Variants in NRG1 observed in about 807,000 individuals in gnomAD.
The protein encoded by NRG1 is neuregulin 1, also known as pro-neuregulin-1, membrane-bound isoform.
Under a neutral mutation model 63.8 loss-of-function variants are expected in NRG1, and 18 were observed. The observed-to-expected ratio is 0.28, with a 90% CI of 0.19 to 0.42. NRG1 has a LOEUF of 0.42. NRG1 is among the 10% of genes least tolerant of loss of function. NRG1 has a pLI of 1.00. For missense variants in NRG1, 762 were observed against 814.7 expected, an observed-to-expected ratio of 0.94 and a Z score of 0.79; for synonymous variants, 302 against 301.3, an observed-to-expected ratio of 1.00 and a Z score of -0.02.
intron 1 of NRG1, among the ~76,000 whole-genome samples, chr8:32,223,230 T>C (rs899298055): frequency 6.6e-6 from 1 of 152,206 alleles, no homozygotes; most frequent in African/African-American, 2.4e-5. Context: ...TTTAAATCCA[T>C]TCTTTTAAAA....
At chr8:31,873,245 T>C (rs1829639414) in intron 1 of NRG1, among the ~76,000 whole-genome samples, 1 of 152,090 alleles carries the variant, frequency 6.6e-6, no homozygotes, top group Non-Finnish European at 1.5e-5. Context: ...ATTTCACTGC[T>C]AGAGCAATAA....
At chr8:31,812,464 T>C (rs185448798) in intron 1 of NRG1, among the ~76,000 whole-genome samples, 1 of 152,306 alleles carries the variant, frequency 6.6e-6, no homozygotes, top group African/African-American at 2.4e-5. Context: ...GACAGCTTAA[T>C]GGTTACTTTA....
chr8:31,793,640 A>G (rs978798535), intron 1 of NRG1, among the ~76,000 whole-genome samples: 2 of 152,248 alleles, frequency 1.3e-5, no homozygotes, highest in Non-Finnish European at 2.9e-5. Context: ...CTTCCAAAAC[A>G]TGTCACTGGA....
At chr8:32,379,707 G>A (rs189774323) in intron 1 of NRG1, among the ~76,000 whole-genome samples, 1 of 152,304 alleles carries the variant, frequency 6.6e-6, no homozygotes, top group Admixed American at 6.5e-5. Flanking sequence ...CCTATCAGTT[G>A]AGGGAAATTC....
intron 1 of NRG1, among the ~76,000 whole-genome samples, chr8:31,924,497 T>A (rs78481298): frequency 1.3e-5 from 2 of 152,068 alleles, no homozygotes; most frequent in Non-Finnish European, 2.9e-5. Context: ...CGTGCTGTAG[T>A]TTTTTTCCTC....
intron 1 of NRG1, among the ~76,000 whole-genome samples, chr8:31,862,669 T>G (rs977755541): frequency 2.0e-5 from 3 of 152,218 alleles, no homozygotes; most frequent in Non-Finnish European, 4.4e-5. Flanking sequence ...GTAATTTTGC[T>G]TGTTTTTTGT....
chr8:32,210,518 A>ACCTT (rs1844589667), intron 1 of NRG1, among the ~76,000 whole-genome samples: 1 of 152,160 alleles, frequency 6.6e-6, no homozygotes, highest in Non-Finnish European at 1.5e-5. Context: ...GTAACGTGTG[A>ACCTT]CCTTCCCTTA....
In NRG1 at chr8:31,849,058, C is replaced by A. The variant is rs1826962484; in HGVS notation, c.37+209627C>A. ...GCATAGTCTTAGAGTGTAACAAATG[C>A]ACAAACCTTTTCTTTTAAAACAGAC... is the stretch of plus-strand genomic sequence containing the variant. On this transcript the variant is annotated intron_variant, in intron 1 of 10. Transcript: ENST00000519301. Among the ~76,000 whole-genome samples the A allele has an allele frequency of 1.3e-5, 2 of 152,124 alleles. 1 individual carries two copies. Among genetic ancestry groups the A allele is most frequent in the South Asian group, 4.1e-4 (2 of 4,826 alleles).
At chr8:32,009,058 C>A (rs545971677) in intron 1 of NRG1, among the ~76,000 whole-genome samples, 2 of 152,056 alleles carry the variant, frequency 1.3e-5, no homozygotes, top group African/African-American at 4.8e-5. Flanking sequence ...AATATGGTGA[C>A]CTTAGTCACA....
At chr8:32,129,986 C>T (rs1255413026) in intron 1 of NRG1, among the ~76,000 whole-genome samples, 2 of 151,830 alleles carry the variant, frequency 1.3e-5, no homozygotes, top group Non-Finnish European at 2.9e-5. Context: ...TATGATAATC[C>T]ATCACCAAAT....
At chr8:31,753,711 C>T (rs553556464) in intron 1 of NRG1, among the ~76,000 whole-genome samples, 1 of 152,132 alleles carries the variant, frequency 6.6e-6, no homozygotes, top group South Asian at 2.1e-4. Context: ...AAAAACTAGT[C>T]CATCTCTAAT....
intron 1 of NRG1, among the ~76,000 whole-genome samples, chr8:32,490,304 CAA>C (rs35216278): frequency 3.0e-5 from 4 of 133,850 alleles, no homozygotes; most frequent in Admixed American, 7.3e-5. Flanking sequence ...GACTCTGTCT[CAA>C]AAAAAAAAAA....
chr8:32,533,561 T>C (rs1299921788), intron 1 of NRG1, among the ~76,000 whole-genome samples: 1 of 152,094 alleles, frequency 6.6e-6, no homozygotes, highest in Non-Finnish European at 1.5e-5. Flanking sequence ...TTGAACAAAT[T>C]TTATTTTTAT....
chr8:32,511,307 A>G (rs1829169138), intron 1 of NRG1, among the ~76,000 whole-genome samples: 1 of 147,652 alleles, frequency 6.8e-6, no homozygotes, highest in South Asian at 2.1e-4. Flanking sequence ...CAACACACAC[A>G]CACACATTTA....
intron 1 of NRG1, among the ~76,000 whole-genome samples, chr8:32,012,746 AT>A (rs1554600484): frequency 6.6e-6 from 1 of 152,140 alleles, no homozygotes; most frequent in Non-Finnish European, 1.5e-5. Context: ...ATGAGATAAT[AT>A]ATGTCAAGTG....
chr8:32,240,867 T>C (rs1848030899), intron 1 of NRG1, among the ~76,000 whole-genome samples: 1 of 151,888 alleles, frequency 6.6e-6, no homozygotes, highest in Admixed American at 6.6e-5. Context: ...ATGAGAAAAA[T>C]AAGCTTTAAC....
intron 1 of NRG1, among the ~76,000 whole-genome samples, chr8:31,938,973 A>C (rs1801354505): frequency 1.3e-5 from 2 of 152,198 alleles, no homozygotes; most frequent in African/African-American, 4.8e-5. Flanking sequence ...GAAATCTAAA[A>C]GTTTGGAAAG....
At chr8:32,154,383 CCCACTTCCTGCCTTCCTCCCTT>C (rs1394373564) in intron 1 of NRG1, among the ~76,000 whole-genome samples, 15 of 151,880 alleles carry the variant, frequency 9.9e-5, no homozygotes, top group South Asian at 2.1e-4. Flanking sequence ...CTTCCTTTCT[CCCACTTCCTGCCTTCCTCCCTT>C]CCACTTCCTG....
At chr8:32,420,551 T>C (rs1563440561) in intron 1 of NRG1, among the ~76,000 whole-genome samples, 1 of 152,022 alleles carries the variant, frequency 6.6e-6, no homozygotes, top group Non-Finnish European at 1.5e-5. Flanking sequence ...CTTTTTTTTT[T>C]TTCCTACTAA....
Sources: allele counts gnomAD v4.1 joint callset (sites outside exome capture counted in the v4.1 genomes callset), GRCh38; gene constraint gnomAD v4.1.1; transcripts MANE v1.5; gene names NCBI Gene and HGNC (gene_info 2026-07-23, HGNC 2026-07-21).